TBC1D5: variants seen among roughly 807,000 people sequenced by gnomAD.
The protein encoded by TBC1D5 is TBC1 domain family, member 5.
Under a neutral mutation model 100.3 loss-of-function variants are expected in TBC1D5, and 75 were observed. The observed-to-expected ratio is 0.75, with a 90% CI of 0.62 to 0.91. The LOEUF (loss-of-function observed/expected upper bound fraction) is 0.91. Ranked by LOEUF, TBC1D5 falls within the 40% of genes least tolerant of loss-of-function variation. The probability of loss-of-function intolerance (pLI) is 0.00; values close to 1 mark genes in which losing one functional copy is unlikely to be tolerated. For synonymous variants in TBC1D5, 323 were observed against 325.6 expected (o/e 0.99, Z 0.09); for missense variants, 910 against 942.4 (o/e 0.97, Z 0.45).
At position 17,684,507 on chromosome 3, in the gene TBC1D5, T is replaced by C. The variant is rs554594221; in HGVS notation, c.-101+54836A>G. ...GCAAGCAAACACAAAATAAAGACCATGTTGTGCATATGGCACTCACCCGAA... is the reference window on the plus strand; with the variant it reads ...GCAAGCAAACACAAAATAAAGACCACGTTGTGCATATGGCACTCACCCGAA... On this transcript the variant is annotated intron_variant, in intron 1 of 21. Transcript: ENST00000253692. Among the ~76,000 whole-genome samples, 59 of 152,212 alleles carry C rather than the reference T, an allele frequency of 3.9e-4. No homozygotes were observed. In the South Asian group the frequency reaches 4.6e-3, roughly 12 times the overall value.
Position 17,629,123 on chromosome 3 carries a change from A to G in TBC1D5, c.-100-5210T>C, listed in dbSNP as rs535674277. 2.0e-5 allele frequency among the ~76,000 whole-genome samples: 3 copies of G among 152,382 alleles called. No homozygotes were observed. In the East Asian group the frequency reaches 5.8e-4, roughly 29 times the overall value. ...TCTATTTAGCTTATTAAAATAAAAT[A>G]TAGAATAGAAAATCATAAATTGGTC... is the stretch of plus-strand genomic sequence containing the variant. On this transcript the variant is annotated intron_variant, in intron 1 of 21. Transcript: ENST00000253692.
At chr3:17,630,997 T>C (rs2063456928) in intron 1 of TBC1D5, among the ~76,000 whole-genome samples, 1 of 135,994 alleles carries the variant, frequency 7.4e-6, no homozygotes, top group Non-Finnish European at 1.5e-5. Flanking sequence ...TGAGCCGAGA[T>C]GGCACCACTG....
intron 21 of TBC1D5, among the ~76,000 whole-genome samples, chr3:17,164,197 C>A (rs761034325): frequency 1.3e-5 from 2 of 152,174 alleles, no homozygotes; most frequent in Non-Finnish European, 2.9e-5. Flanking sequence ...CAGTGAGGAG[C>A]AGGGCATGTG....
intron 3 of TBC1D5, 22 bp from the exon 4 acceptor site, chr3:17,428,541 C>A: frequency 2.2e-6 from 3 of 1,353,820 alleles, no homozygotes; most frequent in South Asian, 1.5e-5. Context: ...AATTACGACA[C>A]TGAAATAATG....
chr3:17,481,158 C>T (rs763281558), intron 3 of TBC1D5, among the ~76,000 whole-genome samples: 14 of 152,204 alleles, frequency 9.2e-5, no homozygotes, highest in South Asian at 4.1e-4. Flanking sequence ...ATGGAAGTCA[C>T]GTGCAGTACA....
At chr3:17,312,675 T>C (rs2084174808) in intron 13 of TBC1D5, among the ~76,000 whole-genome samples, 1 of 152,208 alleles carries the variant, frequency 6.6e-6, no homozygotes, top group Non-Finnish European at 1.5e-5. Flanking sequence ...TACACAGCCC[T>C]TTATTAAGGA....
At chr3:17,208,176 G>A (rs948958850) in intron 18 of TBC1D5, among the ~76,000 whole-genome samples, 1 of 152,194 alleles carries the variant, frequency 6.6e-6, no homozygotes, top group Non-Finnish European at 1.5e-5. Flanking sequence ...GGCAGCAGGC[G>A]GCTCCCATGG....
intron 1 of TBC1D5, among the ~76,000 whole-genome samples, chr3:17,666,636 G>A (rs1229966939): frequency 6.6e-6 from 1 of 152,004 alleles, no homozygotes; most frequent in East Asian, 1.9e-4. Flanking sequence ...GTAGGACACC[G>A]AGTACATGTT....
intron 1 of TBC1D5, among the ~76,000 whole-genome samples, chr3:17,667,798 T>C (rs1013368278): frequency 2.0e-5 from 3 of 152,110 alleles, no homozygotes; most frequent in Non-Finnish European, 4.4e-5. Context: ...TTATAACAAG[T>C]ATTAAGTTTT....
At chr3:17,471,491 C>G (rs1330089817) in intron 3 of TBC1D5, among the ~76,000 whole-genome samples, 2 of 151,778 alleles carry the variant, frequency 1.3e-5, no homozygotes, top group African/African-American at 4.8e-5. Flanking sequence ...CTTCCTCTTG[C>G]CTGGTATTTG....
intron 18 of TBC1D5, among the ~76,000 whole-genome samples, chr3:17,186,716 A>C (rs2069138215): frequency 1.3e-5 from 1 of 76,626 alleles, no homozygotes; most frequent in Non-Finnish European, 2.9e-5. Context: ...TCTCCAAAAA[A>C]AAAAAAAAAA....
intron 18 of TBC1D5, among the ~76,000 whole-genome samples, chr3:17,206,262 G>A (rs2072170324): frequency 6.6e-6 from 1 of 152,048 alleles, no homozygotes; most frequent in South Asian, 2.1e-4. Flanking sequence ...TGTTCATATG[G>A]CATTTAATCA....
At chr3:17,423,642 C>T (rs989498531) in intron 4 of TBC1D5, among the ~76,000 whole-genome samples, 10 of 151,894 alleles carry the variant, frequency 6.6e-5, no homozygotes, top group Non-Finnish European at 8.8e-5. Flanking sequence ...AAAGAGTGTA[C>T]ATTTTTCTTA....
At chr3:17,301,214 AC>A (rs2082796789) in intron 14 of TBC1D5, among the ~76,000 whole-genome samples, 1 of 152,202 alleles carries the variant, frequency 6.6e-6, no homozygotes, top group Admixed American at 6.5e-5. Context: ...AATTTACAAG[AC>A]AAATAAAAGG....
intron 15 of TBC1D5, among the ~76,000 whole-genome samples, chr3:17,279,058 T>C (rs1440825184): frequency 6.6e-6 from 1 of 152,274 alleles, no homozygotes. Flanking sequence ...ATTAAAATGT[T>C]ACCATTACCT....
intron 1 of TBC1D5, among the ~76,000 whole-genome samples, chr3:17,671,884 C>T (rs1360339951): frequency 1.3e-5 from 2 of 152,210 alleles, no homozygotes; most frequent in African/African-American, 2.4e-5. Context: ...CTGTTTATTA[C>T]ACAGCATAAA....
intron 2 of TBC1D5, 124 bp from the exon 3 acceptor site, chr3:17,508,729 G>T (rs2095870176): frequency 4.5e-6 from 2 of 444,840 alleles, no homozygotes; most frequent in Non-Finnish European, 8.2e-6. Context: ...CCAGGCTCCA[G>T]GGACTGTTAT....
rs140925765 is a variant in TBC1D5, at chr3:17,429,108, G to C, written c.98-589C>G. ...GTTCGGCAATTTAAAACATGAAAAA[G>C]GAACAACATCAAAAGGTATTTGTCT... On this transcript the variant is annotated intron_variant, in intron 3 of 21. Coordinates refer to ENST00000253692, the Ensembl canonical transcript of TBC1D5. Among the ~76,000 whole-genome samples the C allele has an allele frequency of 4.6e-5, 7 of 151,664 alleles. No homozygotes were observed. In the East Asian group the frequency reaches 1.4e-3, roughly 29 times the overall value.
intron 3 of TBC1D5, among the ~76,000 whole-genome samples, chr3:17,473,125 G>C (rs537382482): frequency 1.2e-3 from 178 of 152,112 alleles, no homozygotes; most frequent in Non-Finnish European, 2.1e-3. Context: ...AAATATCTCG[G>C]TCAAGTGCAG....
Sources: gnomAD v4.1 joint callset for allele counts (sites outside exome capture counted in the v4.1 genomes callset) on GRCh38, gnomAD v4.1.1 for gene constraint, MANE v1.5 for transcripts, NCBI Gene and HGNC (gene_info 2026-07-23, HGNC 2026-07-21) for gene names.